BARX2: variants seen among roughly 807,000 people sequenced by gnomAD.
BARX2 encodes the protein BARX homeobox 2, also known as homeobox protein BarH-like 2.
BARX2 carries 11 observed loss-of-function variants against 25.5 expected under a neutral mutation model. That is an observed-to-expected ratio of 0.43 (90% CI 0.27 to 0.71). The LOEUF (loss-of-function observed/expected upper bound fraction) is 0.71, where lower values mean the gene tolerates loss of function less well. Among genes scored for constraint, BARX2 ranks in the 30% least tolerant of loss-of-function variants. The pLI, the probability that BARX2 is intolerant of heterozygous loss-of-function variation, is 0.19. For synonymous variants in BARX2, 137 were observed against 149.5 expected (o/e 0.92, Z 0.61); for missense variants, 360 against 359.9 (o/e 1.00, Z 0.00).
intron 1 of BARX2, among the ~76,000 whole-genome samples, chr11:129,418,956 G>A (rs560636501): frequency 3.3e-5 from 5 of 152,276 alleles, no homozygotes; most frequent in East Asian, 1.9e-4. Context: ...GCCACTGTCC[G>A]TGTGGAGTTT....
rs1187348578 is a variant in BARX2 at position 129,451,633 on chromosome 11, C to CTTGA, written c.*234_*237dup. On this transcript the variant is annotated 3_prime_UTR_variant, in exon 4 of 4. Transcript: ENST00000281437. ...AAAGGCTGCTTTAGCTGTGGATGCC[C>CTTGA]TTGATTAAGGGAGAGAGCGCCTAGG... The CTTGA allele has an allele frequency of 1.7e-6, 1 of 571,842 alleles. No homozygotes were observed. Among genetic ancestry groups the CTTGA allele is most frequent in the Non-Finnish European group, 3.0e-6 (1 of 330,236 alleles). The allele number at this position is 571,842 out of a possible 1,614,324, so 35.4% of individuals were successfully genotyped here.
At chr11:129,434,612 A>C (rs569892106) in intron 1 of BARX2, among the ~76,000 whole-genome samples, 1 of 152,190 alleles carries the variant, frequency 6.6e-6, no homozygotes, top group African/African-American at 2.4e-5. Flanking sequence ...CAATTTATTT[A>C]ATTATTTTCC....
chr11:129,428,448 C>T (rs1862092003), intron 1 of BARX2, among the ~76,000 whole-genome samples: 1 of 152,098 alleles, frequency 6.6e-6, no homozygotes, highest in Admixed American at 6.5e-5. Flanking sequence ...GATTTTTAGT[C>T]AAAATACAGA....
chr11:129,408,676 G>GGCCTCCCCACCCTCA (rs1291019663), intron 1 of BARX2, among the ~76,000 whole-genome samples: 3 of 152,174 alleles, frequency 2.0e-5, no homozygotes, highest in Admixed American at 2.0e-4. Context: ...AGACTATCTC[G>GGCCTCCCCACCCTCA]GCCTCCCCAC....
intron 1 of BARX2, among the ~76,000 whole-genome samples, chr11:129,430,087 T>C (rs1013560559): frequency 2.0e-5 from 3 of 152,162 alleles, no homozygotes; most frequent in Non-Finnish European, 2.9e-5. Flanking sequence ...GTAGTTTTTT[T>C]CCCCAGTTGG....
intron 1 of BARX2, among the ~76,000 whole-genome samples, chr11:129,420,938 A>G (rs1269108580): frequency 1.3e-5 from 2 of 152,308 alleles, no homozygotes; most frequent in East Asian, 3.9e-4. Context: ...GGGACCTTCA[A>G]AATCATCTCA....
At chr11:129,398,648 G>C (rs748093244) in intron 1 of BARX2, among the ~76,000 whole-genome samples, 63 of 152,314 alleles carry the variant, frequency 4.1e-4, no homozygotes, top group Admixed American at 2.2e-3. Context: ...TCTTGTTGCT[G>C]TTCCCATTGG....
chr11:129,416,528 C>G (rs187866946), intron 1 of BARX2, among the ~76,000 whole-genome samples: 4 of 152,230 alleles, frequency 2.6e-5, no homozygotes, highest in Admixed American at 2.6e-4. Flanking sequence ...GGATTTATAG[C>G]TTTTACTAGT....
chr11:129,431,266 A>G (rs982323120), intron 1 of BARX2, among the ~76,000 whole-genome samples: 8 of 152,250 alleles, frequency 5.3e-5, no homozygotes, highest in African/African-American at 1.9e-4. Flanking sequence ...TGCTATAAAC[A>G]TCTGTATACA....
chr11:129,379,773 T>C (rs1285564818), intron 1 of BARX2, among the ~76,000 whole-genome samples: 5 of 142,842 alleles, frequency 3.5e-5, no homozygotes, highest in African/African-American at 1.3e-4. Context: ...AATGAACCTA[T>C]GGTACTAATT....
chr11:129,432,040 C>T (rs544743516), intron 1 of BARX2, among the ~76,000 whole-genome samples: 1 of 151,150 alleles, frequency 6.6e-6, no homozygotes, highest in Admixed American at 6.6e-5. Flanking sequence ...TGCTCCAGCA[C>T]CATTTTTTTA....
At chr11:129,441,337 G>A (rs993096833) in intron 2 of BARX2, among the ~76,000 whole-genome samples, 4 of 152,168 alleles carry the variant, frequency 2.6e-5, no homozygotes, top group African/African-American at 9.7e-5. Flanking sequence ...TCTGCCAGAG[G>A]TCGGTAAAGG....
rs141031030 is a variant in BARX2 at position 129,451,793 on chromosome 11, C to T, written c.*391C>T. The T allele has an allele frequency of 0.025, 4,303 of 169,508 alleles. 84 individuals carry two copies. The highest frequency in any genetic ancestry group is 0.037 in the Non-Finnish European group (2,927 of 79,630). 10.5% of individuals were successfully genotyped at this position (169,508 alleles called of 1,614,324 possible). On this transcript the variant is annotated 3_prime_UTR_variant, in exon 4 of 4. Transcript: ENST00000281437. ...GCAGCCAGTCATCAAAGCAGAGAGACGTGGCGGCATGTGGGCAGCATGCCC... is the reference window on the plus strand; with the variant it reads ...GCAGCCAGTCATCAAAGCAGAGAGATGTGGCGGCATGTGGGCAGCATGCCC...
At chr11:129,396,792 A>C (rs1177538312) in intron 1 of BARX2, among the ~76,000 whole-genome samples, 1 of 152,142 alleles carries the variant, frequency 6.6e-6, no homozygotes, top group Admixed American at 6.5e-5. Context: ...AGCTGTAGAC[A>C]ATGACTGTGT....
Position 129,451,466 on chromosome 11 carries a change from G to A in BARX2, c.*64G>A, listed in dbSNP as rs1591452863. ...AGGGAAAAGAGAGAAGGCAGGGAGA[G>A]TAGGGAGAGAAAACCTTCCAGCAGC... is the stretch of plus-strand genomic sequence containing the variant. On this transcript the variant is annotated 3_prime_UTR_variant, in exon 4 of 4. Transcript: ENST00000281437. 5.2e-6 allele frequency: 8 copies of A among 1,553,338 alleles called. No homozygotes were observed. The Admixed American group carries it at 1.3e-4, about 26-fold the overall frequency.
intron 1 of BARX2, among the ~76,000 whole-genome samples, chr11:129,435,792 G>A (rs7119879): frequency 0.24 from 36,379 of 152,100 alleles, 4,467 homozygotes; most frequent in Middle Eastern, 0.33. Flanking sequence ...TAATCAAAGG[G>A]AAAAGCTCTT....
intron 1 of BARX2, among the ~76,000 whole-genome samples, chr11:129,425,487 C>G (rs1032452896): frequency 6.6e-6 from 1 of 152,162 alleles, no homozygotes; most frequent in African/African-American, 2.4e-5. Context: ...CACACCATGT[C>G]CATGTGCTAA....
chr11:129,418,122 G>T (rs1338214491), intron 1 of BARX2, among the ~76,000 whole-genome samples: 3 of 152,188 alleles, frequency 2.0e-5, no homozygotes, highest in Non-Finnish European at 4.4e-5. Flanking sequence ...ACCACATTTG[G>T]TAGGTTGTTA....
At chr11:129,409,133 A>G (rs914541559) in intron 1 of BARX2, among the ~76,000 whole-genome samples, 8 of 152,206 alleles carry the variant, frequency 5.3e-5, no homozygotes, top group Non-Finnish European at 1.0e-4. Context: ...TTGCTAATTT[A>G]CTTTTCAAAA....
Sources: allele counts gnomAD v4.1 joint callset (sites outside exome capture counted in the v4.1 genomes callset), GRCh38; gene constraint gnomAD v4.1.1; transcripts MANE v1.5; gene names NCBI Gene and HGNC (gene_info 2026-07-23, HGNC 2026-07-21).